The following HDAC5 variants were observed in gnomAD, a reference collection of about 807,000 sequenced individuals.
HDAC5 encodes antigen NY-CO-9.
In HDAC5, 25 loss-of-function variants were observed where a neutral mutation model predicts 133.3. The ratio of observed to expected loss-of-function variants is 0.19; its 90% confidence interval spans 0.14 to 0.26. The LOEUF is 0.26. Among genes scored for constraint, HDAC5 ranks in the 10% least tolerant of loss-of-function variants. The pLI, the probability that HDAC5 is intolerant of heterozygous loss-of-function variation, is 1.00. For synonymous variants in HDAC5, 589 were observed against 610.8 expected (o/e 0.96, Z 0.53); for missense variants, 1,041 against 1,460.5 (o/e 0.71, Z 4.68).
chr17:44,083,407 C>G, intron 18 of HDAC5, 138 bp downstream of exon 18: 1 of 634,890 alleles, frequency 1.6e-6, no homozygotes, highest in Non-Finnish European at 2.8e-6. Flanking sequence ...GCTGGCAACT[C>G]CTTCCCACCC....
rs1050677149 is a variant in HDAC5 at position 44,117,374 on chromosome 17, AC to A, written c.22+119del. 26 of 1,091,874 alleles carry A rather than the reference AC, an allele frequency of 2.4e-5. No homozygotes were observed. In the African/African-American group the frequency reaches 3.7e-4, roughly 16 times the overall value. 67.6% of individuals were successfully genotyped at this position (1,091,874 alleles called of 1,614,324 possible). A position where few individuals can be genotyped will look rare whatever the true frequency, so the allele number is the denominator to read the frequency against. On this transcript the variant is annotated intron_variant, in intron 2 of 26. Coordinates refer to ENST00000682912, the MANE Select transcript of HDAC5 (RefSeq NM_005474.5). The surrounding 1 kb of genome is among the most constrained non-coding windows in gnomAD (Gnocchi z 4.2). Reference sequence around the variant, plus strand: ...TTCTTGCAACACTTCTCCACTCCTTACCCCCTCATTCCCTTATAGCTCAGAC... The same window carrying A: ...TTCTTGCAACACTTCTCCACTCCTTACCCCTCATTCCCTTATAGCTCAGAC...
chr17:44,090,322 A>T (rs1185348749), intron 11 of HDAC5, among the ~76,000 whole-genome samples: 1 of 152,166 alleles, frequency 6.6e-6, no homozygotes, highest in East Asian at 1.9e-4. Flanking sequence ...TATTACCGAA[A>T]TTGTAATATT....
At chr17:44,105,413 T>C (rs767895491) in intron 3 of HDAC5, among the ~76,000 whole-genome samples, 3 of 152,208 alleles carry the variant, frequency 2.0e-5, no homozygotes, top group Non-Finnish European at 4.4e-5. Flanking sequence ...TAGACTCACA[T>C]TTCCCAGTCC....
intron 24 of HDAC5, 81 bp downstream of exon 24, chr17:44,079,063 G>T: frequency 6.4e-7 from 1 of 1,564,984 alleles, no homozygotes; most frequent in Non-Finnish European, 8.7e-7. Context: ...AGCTTCCTAA[G>T]GGGCTCCCAG....
At chr17:44,111,984 C>A (rs921087190) in intron 2 of HDAC5, among the ~76,000 whole-genome samples, 5 of 152,156 alleles carry the variant, frequency 3.3e-5, no homozygotes, top group African/African-American at 1.2e-4. Flanking sequence ...TACATCATCT[C>A]ATTAATTCTG....
chr17:44,079,658 A>AC (rs1313394140), intron 23 of HDAC5, among the ~76,000 whole-genome samples: 3 of 151,054 alleles, frequency 2.0e-5, no homozygotes, highest in Non-Finnish European at 4.4e-5. Flanking sequence ...AAAAAAAAAA[A>AC]AAGAAAGAAA....
At chr17:44,120,287 T>C (rs1007019179) in intron 1 of HDAC5, among the ~76,000 whole-genome samples, 2 of 152,204 alleles carry the variant, frequency 1.3e-5, no homozygotes, top group African/African-American at 4.8e-5. Context: ...AGACCCTCTC[T>C]GGATCCTGGA....
chr17:44,093,087 A>G lies in HDAC5; in HGVS notation c.641+5T>C. The G allele has an allele frequency of 6.2e-7, 1 of 1,603,570 alleles. No individual in the cohort carries two copies. Among genetic ancestry groups the G allele is most frequent in the South Asian group, 1.1e-5 (1 of 90,040 alleles). The stretch of plus-strand genomic sequence containing the variant: ...TGCCCACCCATGCCTGCCCAGGGCC[A>G]TTACCAGCATTTGGGGTGCTGTGGG... On this transcript the variant is annotated splice_donor_5th_base_variant and intron_variant, in intron 6 of 26. Transcript: ENST00000682912.
At chr17:44,088,990 G>C (rs1249337805) in intron 11 of HDAC5, among the ~76,000 whole-genome samples, 1 of 152,032 alleles carries the variant, frequency 6.6e-6, no homozygotes, top group Non-Finnish European at 1.5e-5. Flanking sequence ...GGAAGCCCTA[G>C]GGCCAGGATC....
chr17:44,100,773 A>G (rs1227607758), intron 3 of HDAC5, among the ~76,000 whole-genome samples: 5 of 150,756 alleles, frequency 3.3e-5, no homozygotes, highest in Admixed American at 3.3e-4. Context: ...AAATAAATAC[A>G]TACATACATA....
chr17:44,077,252 G>A lies in HDAC5; in HGVS notation c.*1124C>T, dbSNP rs1215254523. On this transcript the variant is annotated 3_prime_UTR_variant, in exon 27 of 27. Coordinates refer to ENST00000682912, the MANE Select transcript of HDAC5 (RefSeq NM_005474.5). ...GCCCACAGCCCCTGGCAGGGCTCCT[G>A]GGAAAGAGAAGGGACAGCGCCCAGC... is the stretch of plus-strand genomic sequence containing the variant. The A allele has an allele frequency of 6.6e-6, 1 of 152,626 alleles. No individual in the cohort carries two copies. Among genetic ancestry groups the A allele is most frequent in the African/African-American group, 2.4e-5 (1 of 41,412 alleles). The allele number at this position is 152,626 out of a possible 1,614,324, so 9.5% of individuals were successfully genotyped here. A position where few individuals can be genotyped will look rare whatever the true frequency, so the allele number is the denominator to read the frequency against.
At chr17:44,110,247 G>C (rs1484887690) in intron 3 of HDAC5, among the ~76,000 whole-genome samples, 1 of 152,178 alleles carries the variant, frequency 6.6e-6, no homozygotes, top group Non-Finnish European at 1.5e-5. Flanking sequence ...CTCCTGGCTG[G>C]GGACTTGCGG....
rs578053510 is a variant in HDAC5, at chr17:44,084,585, G to A, written c.2275C>T (p.Arg759Trp). The A allele has an allele frequency of 4.3e-6, 7 of 1,613,992 alleles. No individual in the cohort carries two copies. Among genetic ancestry groups the A allele is most frequent in the South Asian group, 2.2e-5 (2 of 91,086 alleles). ...AACTTCTTGCTGTCTAGCTTCTGCC[G>A]GTTGAGGGGACTGGTCCCATAGAGC... Reference protein sequence around the residue: ...TLLYGTSPLNRQKLDSKKLLG... With the variant: ...TLLYGTSPLNWQKLDSKKLLG... The change falls in exon 16 of 27, where the codon CGG becomes TGG. Residue 759 changes from arginine to tryptophan, a missense_variant. By Grantham distance (101) the Arg-to-Trp change is moderately radical. Coordinates refer to ENST00000682912, the MANE Select transcript of HDAC5 (RefSeq NM_005474.5).
At chr17:44,103,703 G>A (rs1355288420) in intron 3 of HDAC5, among the ~76,000 whole-genome samples, 2 of 151,668 alleles carry the variant, frequency 1.3e-5, no homozygotes, top group African/African-American at 2.4e-5. Context: ...TTCTCAGAAT[G>A]GTTTTTTCTT....
In HDAC5 at chr17:44,078,213, TG is replaced by T; in HGVS notation, c.*162del. 1.6e-6 allele frequency: 1 copy of T among 625,574 alleles called. No homozygotes were observed. The highest frequency in any genetic ancestry group is 2.6e-6 in the Non-Finnish European group (1 of 390,544). 38.8% of individuals were successfully genotyped at this position (625,574 alleles called of 1,614,324 possible). A position where few individuals can be genotyped will look rare whatever the true frequency, so the allele number is the denominator to read the frequency against. The stretch of plus-strand genomic sequence containing the variant: ...AGGGAGCAGGCTTCTAGAGCTGAGG[TG>T]GAAGCCACAGGGCTGGGGGCCTGAG... On this transcript the variant is annotated 3_prime_UTR_variant, in exon 27 of 27. Coordinates refer to ENST00000682912, the MANE Select transcript of HDAC5 (RefSeq NM_005474.5).
At chr17:44,084,930 G>C (rs1033320064) in intron 15 of HDAC5, 92 bp downstream of exon 15, 8 of 1,477,956 alleles carry the variant, frequency 5.4e-6, no homozygotes, top group Non-Finnish European at 7.4e-6. Context: ...GCTGAAGAGA[G>C]GATGAGGAAG....
At chr17:44,096,430 G>A (rs1378122826) in intron 3 of HDAC5, among the ~76,000 whole-genome samples, 1 of 149,524 alleles carries the variant, frequency 6.7e-6, no homozygotes, top group Non-Finnish European at 1.5e-5. Flanking sequence ...ATTAAGAGGC[G>A]AGAGAGGGAA....
At chr17:44,095,913 G>A (rs1597980322) in intron 3 of HDAC5, among the ~76,000 whole-genome samples, 1 of 152,142 alleles carries the variant, frequency 6.6e-6, no homozygotes, top group African/African-American at 2.4e-5. Flanking sequence ...GGGCCTGCTG[G>A]GTTCCAAGAC....
In HDAC5 at chr17:44,092,824, T is replaced by TGGGGGGGCCCCCGGGGGGGGGGGGGGGGG; in HGVS notation, c.642-19_642-18insCCCCCCCCCCCCCCCCCGGGGGCCCCCCC. 3.4e-6 allele frequency: 1 copy of TGGGGGGGCCCCCGGGGGGGGGGGGGGGGG among 291,848 alleles called. No individual in the cohort carries two copies. Among genetic ancestry groups the TGGGGGGGCCCCCGGGGGGGGGGGGGGGGG allele is most frequent in the East Asian group, 6.0e-5 (1 of 16,612 alleles). The allele number at this position is 291,848 out of a possible 1,614,324, so 18.1% of individuals were successfully genotyped here. A position where few individuals can be genotyped will look rare whatever the true frequency, so the allele number is the denominator to read the frequency against. On this transcript the variant is annotated intron_variant, in intron 6 of 26. Transcript: ENST00000682912. ...GGGCTCCCCTGGGGTGGGGGGGGGG[T>TGGGGGGGCCCCCGGGGGGGGGGGGGGGGG]GGGGATGGAAGCAGATCTAGGTTAT...
Sources: gnomAD v4.1 joint callset for allele counts (sites outside exome capture counted in the v4.1 genomes callset) on GRCh38, gnomAD v4.1.1 for gene constraint, Gnocchi (gnomAD v3.1) non-coding constraint, MANE v1.5 for transcripts, NCBI Gene and HGNC (gene_info 2026-07-23, HGNC 2026-07-21) for gene names.